CRACD: variants seen among roughly 807,000 people sequenced by gnomAD.
CRACD encodes capping protein-inhibiting regulator of actin dynamics.
CRACD carries 56 observed loss-of-function variants against 106.8 expected under a neutral mutation model. That is an observed-to-expected ratio of 0.52 (90% CI 0.42 to 0.66). CRACD has a LOEUF of 0.66. CRACD is among the 30% of genes least tolerant of loss of function. The pLI is 0.00. For missense variants in CRACD, 1,730 were observed against 1,623.2 expected (o/e 1.07, Z -1.13); for synonymous variants, 754 against 670.8 (o/e 1.12, Z -1.92).
chr4:56,278,686 A>G (rs1742816764), intron 3 of CRACD, among the ~76,000 whole-genome samples: 1 of 152,332 alleles, frequency 6.6e-6, no homozygotes, highest in South Asian at 2.1e-4. Context: ...AAATGATATC[A>G]TCAAGAAAGT....
intron 2 of CRACD, among the ~76,000 whole-genome samples, chr4:56,230,127 G>A (rs1402876943): frequency 6.6e-6 from 1 of 152,148 alleles, no homozygotes; most frequent in East Asian, 1.9e-4. Context: ...CCCTGGGCAG[G>A]AAGAACTTTC....
chr4:56,134,990 T>C (rs1734951941), intron 1 of CRACD, among the ~76,000 whole-genome samples: 1 of 152,008 alleles, frequency 6.6e-6, no homozygotes, highest in Non-Finnish European at 1.5e-5. Context: ...CAAGCTGAGT[T>C]ATATGCTTTT....
chr4:56,146,632 G>A (rs59864568), intron 1 of CRACD, among the ~76,000 whole-genome samples: 40,213 of 146,856 alleles, frequency 0.27, 5,616 homozygotes, highest in Admixed American at 0.31. Flanking sequence ...TCACCCTGAC[G>A]GCCCTGCTCT....
In CRACD at chr4:56,136,955, G is replaced by A. The variant is rs190968224; in HGVS notation, c.-335-42329G>A. 1.2e-4 allele frequency among the ~76,000 whole-genome samples: 18 copies of A among 152,286 alleles called. No homozygotes were observed. In the South Asian group the frequency reaches 1.9e-3, roughly 16 times the overall value. ...CTGTGTGATGTATGGATTGAGCAAG[G>A]TTTATTTAATTATTTTCTTATACAT... On this transcript the variant is annotated intron_variant, in intron 1 of 10. Transcript: ENST00000682029.
Position 56,120,011 on chromosome 4 carries a change from A to G in CRACD, c.-335-59273A>G, listed in dbSNP as rs568280865. Among the ~76,000 whole-genome samples the G allele has an allele frequency of 2.6e-5, 4 of 152,302 alleles. No individual in the cohort carries two copies. The South Asian group carries it at 6.2e-4, about 24-fold the overall frequency. On this transcript the variant is annotated intron_variant, in intron 1 of 10. Transcript: ENST00000682029. ...CTACCCCTTGTCGTTTATCTAAACC[A>G]TTCTGATTTCAGGATTTTGTGATGA...
intron 2 of CRACD, among the ~76,000 whole-genome samples, chr4:56,264,253 C>T (rs923856358): frequency 1.3e-5 from 2 of 152,164 alleles, no homozygotes; most frequent in African/African-American, 2.4e-5. Context: ...CACAATTCAA[C>T]ATGAGATTTG....
At chr4:56,156,842 G>A (rs1344313637) in intron 1 of CRACD, among the ~76,000 whole-genome samples, 1 of 152,086 alleles carries the variant, frequency 6.6e-6, no homozygotes, top group African/African-American at 2.4e-5. Flanking sequence ...TTATTGTGAG[G>A]GTTACATGAA....
At chr4:56,119,329 CTT>C (rs11295008) in intron 1 of CRACD, among the ~76,000 whole-genome samples, 1 of 146,760 alleles carries the variant, frequency 6.8e-6, no homozygotes, top group Non-Finnish European at 1.5e-5. Context: ...TATTCTCAGT[CTT>C]TTTTTTTTTC....
Position 56,272,356 on chromosome 4 carries a change from A to G in CRACD, c.-153A>G, listed in dbSNP as rs1742407080. 1 of 153,050 alleles carries G rather than the reference A, an allele frequency of 6.5e-6. No homozygotes were observed. The highest frequency in any genetic ancestry group is 2.4e-5 in the African/African-American group (1 of 41,576). The allele number at this position is 153,050 out of a possible 1,614,324, so 9.5% of individuals were successfully genotyped here. On this transcript the variant is annotated 5_prime_UTR_variant, in exon 3 of 11. Coordinates refer to ENST00000682029, the MANE Select transcript of CRACD (RefSeq NM_001393381.1). Reference sequence around the variant, plus strand: ...GGGAGGCAAATTCCAGCCTTTTAAAAAGTTGTTTGGCAAAAGGAAAAAGAA... The same window carrying G: ...GGGAGGCAAATTCCAGCCTTTTAAAGAGTTGTTTGGCAAAAGGAAAAAGAA...
intron 1 of CRACD, among the ~76,000 whole-genome samples, chr4:56,114,626 AACTGTAGGGCAGG>A (rs1203016358): frequency 6.6e-6 from 1 of 152,014 alleles, no homozygotes; most frequent in Admixed American, 6.6e-5. Context: ...CACTATTTCA[AACTGTAGGGCAGG>A]ACTCATTAGA....
chr4:56,161,884 C>T (rs1735972897), intron 1 of CRACD, among the ~76,000 whole-genome samples: 2 of 151,894 alleles, frequency 1.3e-5, no homozygotes, highest in Non-Finnish European at 2.9e-5. Context: ...CTGTCTCAGC[C>T]TCCCGATTAG....
At chr4:56,061,363 G>T (rs1732267434) in intron 1 of CRACD, among the ~76,000 whole-genome samples, 1 of 151,980 alleles carries the variant, frequency 6.6e-6, no homozygotes, top group Admixed American at 6.6e-5. Flanking sequence ...GTAGACATGG[G>T]GTCTTGCCAT....
At chr4:56,167,615 A>G (rs1170843569) in intron 1 of CRACD, among the ~76,000 whole-genome samples, 3 of 152,134 alleles carry the variant, frequency 2.0e-5, no homozygotes, top group Non-Finnish European at 2.9e-5. Context: ...AATACGTGGT[A>G]TTTGTCTTTC....
intron 2 of CRACD, among the ~76,000 whole-genome samples, chr4:56,266,544 G>A (rs763796347): frequency 1.3e-5 from 2 of 152,228 alleles, no homozygotes; most frequent in Non-Finnish European, 2.9e-5. Context: ...AGAACACTTT[G>A]CTAAATTATA....
intron 2 of CRACD, among the ~76,000 whole-genome samples, chr4:56,236,282 A>G (rs1044341166): frequency 1.3e-5 from 2 of 152,124 alleles, no homozygotes; most frequent in Non-Finnish European, 2.9e-5. Flanking sequence ...GTCAGCCACC[A>G]CCTGAAGCTG....
At chr4:56,055,238 A>G (rs1015059869) in intron 1 of CRACD, among the ~76,000 whole-genome samples, 4 of 152,036 alleles carry the variant, frequency 2.6e-5, no homozygotes, top group Non-Finnish European at 5.9e-5. Flanking sequence ...TTGGCTGGCA[A>G]GAAGGAAGAT....
At chr4:56,189,959 A>T (rs1384160057) in intron 2 of CRACD, among the ~76,000 whole-genome samples, 22 of 85,084 alleles carry the variant, frequency 2.6e-4, no homozygotes, top group East Asian at 4.4e-4. Flanking sequence ...CCCAATGCTA[A>T]CCCTCCCCCC....
chr4:56,302,559 T>C (rs1202272787), intron 4 of CRACD, among the ~76,000 whole-genome samples: 2 of 152,202 alleles, frequency 1.3e-5, no homozygotes, highest in African/African-American at 4.8e-5. Context: ...TTTTGACACC[T>C]TACTGCAGCT....
chr4:56,063,321 T>G (rs1015639823), intron 1 of CRACD, among the ~76,000 whole-genome samples: 3 of 152,160 alleles, frequency 2.0e-5, no homozygotes, highest in Non-Finnish European at 4.4e-5. Context: ...GCCGCTCAAG[T>G]AGCTGGGATC....
Sources: allele counts gnomAD v4.1 joint callset (sites outside exome capture counted in the v4.1 genomes callset), GRCh38; gene constraint gnomAD v4.1.1; transcripts MANE v1.5; gene names NCBI Gene and HGNC (gene_info 2026-07-23, HGNC 2026-07-21).